Variants in AGBL4 observed in about 807,000 individuals in gnomAD.
AGBL4 encodes AGBL carboxypeptidase 4.
In AGBL4, 58 loss-of-function variants were observed where a neutral mutation model predicts 66.4. The observed-to-expected ratio is 0.87, with a 90% confidence interval of 0.71 to 1.09. The LOEUF (loss-of-function observed/expected upper bound fraction) is 1.09. AGBL4 is among the 50% of genes least tolerant of loss of function. AGBL4 has a pLI of 0.00. For missense variants in AGBL4, 579 were observed against 631.0 expected (o/e 0.92, Z 0.88); for synonymous variants, 234 against 222.9 (o/e 1.05, Z -0.44).
At chr1:49,762,649 T>C (rs1188604351) in intron 2 of AGBL4, among the ~76,000 whole-genome samples, 10 of 152,228 alleles carry the variant, frequency 6.6e-5, no homozygotes, top group Non-Finnish European at 1.5e-4. Flanking sequence ...CCTGACCTCG[T>C]GCTCTGCCCG....
At chr1:49,328,152 G>A (rs1164016206) in intron 3 of AGBL4, among the ~76,000 whole-genome samples, 1 of 152,144 alleles carries the variant, frequency 6.6e-6, no homozygotes, top group African/African-American at 2.4e-5. Context: ...CTGATCTCCT[G>A]AGGCCATGCC....
At chr1:49,980,778 T>C (rs1221779160) in intron 1 of AGBL4, among the ~76,000 whole-genome samples, 1 of 152,196 alleles carries the variant, frequency 6.6e-6, no homozygotes, top group Non-Finnish European at 1.5e-5. Flanking sequence ...GATTTGGATA[T>C]ATAAATAGAC....
chr1:49,919,912 C>G (rs1652021001), intron 1 of AGBL4, among the ~76,000 whole-genome samples: 1 of 152,144 alleles, frequency 6.6e-6, no homozygotes, highest in Admixed American at 6.6e-5. Context: ...TGGAACAGAA[C>G]AGAGTCCTCA....
At chr1:49,744,401 C>T (rs556035547) in intron 2 of AGBL4, among the ~76,000 whole-genome samples, 18 of 152,210 alleles carry the variant, frequency 1.2e-4, no homozygotes, top group South Asian at 6.2e-4. Context: ...AAGGAGAAGC[C>T]GCTATGCTTC....
chr1:49,728,657 G>A (rs539167451), intron 2 of AGBL4, among the ~76,000 whole-genome samples: 1 of 152,092 alleles, frequency 6.6e-6, no homozygotes, highest in Non-Finnish European at 1.5e-5. Flanking sequence ...AAGGCATGTG[G>A]GGAGAGAAGA....
intron 3 of AGBL4, among the ~76,000 whole-genome samples, chr1:49,615,598 T>A (rs1019195741): frequency 2.6e-5 from 4 of 152,104 alleles, no homozygotes; most frequent in African/African-American, 9.7e-5. Context: ...CAGAGATTTA[T>A]GTTGAATTTC....
Position 49,349,188 on chromosome 1 carries a change from G to T in AGBL4, c.283-103324C>A, listed in dbSNP as rs190461837. Among the ~76,000 whole-genome samples, 814 of 152,290 alleles carry T rather than the reference G, an allele frequency of 5.3e-3. 3 individuals carry two copies. Among genetic ancestry groups the T allele is most frequent in the Admixed American group, 8.6e-3 (132 of 15,306 alleles). On this transcript the variant is annotated intron_variant, in intron 3 of 13. Transcript: ENST00000371839. ...TCCTGCCCTGACTCCATGATCAATA[G>T]AGTTGGTACCTTCCTTATATTTCCC...
At position 49,467,027 on chromosome 1, in the gene AGBL4, A is replaced by G. The variant is rs1369534376; in HGVS notation, c.283-221163T>C. ...TTAAATCTTAAGAAAATTATACCATACCCAATAGCTAATCATGACAAAAAG... is the reference window on the plus strand; with the variant it reads ...TTAAATCTTAAGAAAATTATACCATGCCCAATAGCTAATCATGACAAAAAG... On this transcript the variant is annotated intron_variant, in intron 3 of 13. Coordinates refer to ENST00000371839, the MANE Select transcript of AGBL4 (RefSeq NM_032785.4). Among the ~76,000 whole-genome samples the G allele has an allele frequency of 2.0e-5, 3 of 151,844 alleles. 1 individual carries two copies. Among genetic ancestry groups the G allele is most frequent in the African/African-American group, 7.2e-5 (3 of 41,412 alleles).
At chr1:49,813,955 A>G (rs910569394) in intron 2 of AGBL4, among the ~76,000 whole-genome samples, 1 of 152,066 alleles carries the variant, frequency 6.6e-6, no homozygotes, top group African/African-American at 2.4e-5. Context: ...ATGATAGTGA[A>G]TATGTCTCAT....
At chr1:48,653,591 A>G (rs1380762847) in intron 7 of AGBL4, 140 bp from the exon 8 acceptor site, 1 of 632,320 alleles carries the variant, frequency 1.6e-6, no homozygotes, top group Non-Finnish European at 2.8e-6. Flanking sequence ...GTGTGTGGTT[A>G]TAGACTACGC....
At chr1:48,838,253 C>G (rs1400429341) in intron 6 of AGBL4, among the ~76,000 whole-genome samples, 2 of 152,048 alleles carry the variant, frequency 1.3e-5, no homozygotes, top group African/African-American at 4.8e-5. Flanking sequence ...AGCAAAAGCA[C>G]AAAGCTGGAG....
At chr1:48,784,356 T>A (rs1020139929) in intron 6 of AGBL4, among the ~76,000 whole-genome samples, 4 of 152,186 alleles carry the variant, frequency 2.6e-5, no homozygotes, top group Non-Finnish European at 2.9e-5. Flanking sequence ...TATAACAGAC[T>A]GAACAATGCT....
At chr1:49,481,872 A>T (rs1190444948) in intron 3 of AGBL4, among the ~76,000 whole-genome samples, 1 of 151,542 alleles carries the variant, frequency 6.6e-6, no homozygotes, top group South Asian at 2.1e-4. Flanking sequence ...TTCTGCATCT[A>T]TTGAGATACT....
chr1:49,576,072 T>C (rs927133750), intron 3 of AGBL4, among the ~76,000 whole-genome samples: 1 of 152,184 alleles, frequency 6.6e-6, no homozygotes, highest in Non-Finnish European at 1.5e-5. Context: ...ATTTCTAGGG[T>C]ACAGTAGTCT....
intron 6 of AGBL4, among the ~76,000 whole-genome samples, chr1:48,678,996 T>C (rs1048504111): frequency 3.3e-5 from 5 of 152,246 alleles, no homozygotes; most frequent in African/African-American, 1.2e-4. Flanking sequence ...TCTCAACCCC[T>C]GCTCTTAGGA....
At chr1:49,718,784 T>C (rs1472160089) in intron 2 of AGBL4, among the ~76,000 whole-genome samples, 5 of 152,060 alleles carry the variant, frequency 3.3e-5, no homozygotes, top group Non-Finnish European at 7.4e-5. Context: ...TCCAAGAATA[T>C]AAAGAAGATC....
chr1:49,617,798 G>A (rs751286343), intron 3 of AGBL4, among the ~76,000 whole-genome samples: 1 of 152,176 alleles, frequency 6.6e-6, no homozygotes, highest in African/African-American at 2.4e-5. Context: ...TACAATTTTT[G>A]CTAAATAATA....
chr1:48,818,091 A>G (rs1332768588), intron 6 of AGBL4: 10 of 715,938 alleles, frequency 1.4e-5, no homozygotes, highest in Admixed American at 4.0e-5. Context: ...TCAGAAGCAA[A>G]TGATTTCACC....
intron 5 of AGBL4, among the ~76,000 whole-genome samples, chr1:49,018,328 A>C (rs1455360894): frequency 6.6e-6 from 1 of 152,168 alleles, no homozygotes; most frequent in Non-Finnish European, 1.5e-5. Flanking sequence ...CCAAACCCTT[A>C]CATACCAATG....
Sources: gnomAD v4.1 joint callset for allele counts (sites outside exome capture counted in the v4.1 genomes callset) on GRCh38, gnomAD v4.1.1 for gene constraint, MANE v1.5 for transcripts, NCBI Gene and HGNC (gene_info 2026-07-23, HGNC 2026-07-21) for gene names.